The following FBXL20 variants were observed in gnomAD, a reference collection of about 807,000 sequenced individuals.
The protein encoded by FBXL20 is F-box and leucine rich repeat protein 20.
FBXL20 carries 11 observed loss-of-function variants against 64.0 expected under a neutral mutation model. The ratio of observed to expected loss-of-function variants is 0.17; its 90% CI spans 0.11 to 0.28. FBXL20 has a LOEUF of 0.28. FBXL20 is among the 10% of genes least tolerant of loss of function. The probability of loss-of-function intolerance (pLI) is 1.00; values close to 1 mark genes in which losing one functional copy is unlikely to be tolerated. For synonymous variants in FBXL20, 184 were observed against 189.0 expected (o/e 0.97, Z 0.22); for missense variants, 303 against 526.2 (o/e 0.58, Z 4.15).
chr17:39,295,680 T>C (rs1420818374), intron 6 of FBXL20, among the ~76,000 whole-genome samples: 2 of 152,016 alleles, frequency 1.3e-5, no homozygotes, highest in African/African-American at 4.8e-5. Flanking sequence ...CTCCCTTTTA[T>C]CTCTTTCCCT....
At chr17:39,338,917 A>G (rs1466417731) in intron 2 of FBXL20, among the ~76,000 whole-genome samples, 3 of 152,108 alleles carry the variant, frequency 2.0e-5, no homozygotes, top group African/African-American at 7.2e-5. Context: ...CTGTAATTCC[A>G]GTACTTTGGG....
At chr17:39,345,322 G>C (rs1265652096) in intron 1 of FBXL20, among the ~76,000 whole-genome samples, 1 of 152,058 alleles carries the variant, frequency 6.6e-6, no homozygotes, top group Non-Finnish European at 1.5e-5. Context: ...ACAAAGAATG[G>C]CACAACTAAT....
In FBXL20 at chr17:39,261,285, T is replaced by G; in HGVS notation, c.*175A>C. On this transcript the variant is annotated 3_prime_UTR_variant, in exon 15 of 15. Coordinates refer to ENST00000264658, the MANE Select transcript of FBXL20 (RefSeq NM_032875.3). ...CCCATGGTCACAAAGCTAGAGTGGA[T>G]GGGGGTAAGGGTGTGTATGTGTATG... is the stretch of plus-strand genomic sequence containing the variant. The G allele has an allele frequency of 1.8e-5, 10 of 546,496 alleles. No individual in the cohort carries two copies. Among genetic ancestry groups the G allele is most frequent in the East Asian group, 3.3e-5 (1 of 30,594 alleles). 33.9% of individuals were successfully genotyped at this position (546,496 alleles called of 1,614,324 possible). A position where few individuals can be genotyped will look rare whatever the true frequency, so the allele number is the denominator to read the frequency against.
chr17:39,291,213 GCCTC>G (rs1225392568), intron 6 of FBXL20, among the ~76,000 whole-genome samples: 1 of 152,038 alleles, frequency 6.6e-6, no homozygotes, highest in Non-Finnish European at 1.5e-5. Flanking sequence ...ACCCGCCTCA[GCCTC>G]CCAAAGTGCT....
At chr17:39,340,715 C>T (rs1477544802) in intron 2 of FBXL20, among the ~76,000 whole-genome samples, 3 of 151,752 alleles carry the variant, frequency 2.0e-5, no homozygotes, top group Non-Finnish European at 4.4e-5. Flanking sequence ...AAAAAAGATA[C>T]ATAAAAGCCT....
chr17:39,281,484 G>GA (rs1380465583), intron 8 of FBXL20, 21 bp from the exon 9 acceptor site: 5 of 1,583,506 alleles, frequency 3.2e-6, no homozygotes, highest in East Asian at 2.2e-5. Context: ...TAAAAAGTAA[G>GA]AAAAAAATGA....
intron 13 of FBXL20, 80 bp from the exon 14 acceptor site, chr17:39,264,467 G>T: frequency 1.3e-6 from 2 of 1,498,610 alleles, no homozygotes; most frequent in Non-Finnish European, 1.8e-6. Flanking sequence ...GAATTGGAAA[G>T]GAGACATTTT....
intron 10 of FBXL20, among the ~76,000 whole-genome samples, chr17:39,273,769 G>A (rs1419820505): frequency 2.7e-5 from 4 of 149,684 alleles, no homozygotes; most frequent in Non-Finnish European, 5.9e-5. Context: ...GCAGTGAGCC[G>A]AGATCGCGCC....
At chr17:39,306,809 A>C (rs1047081204) in intron 2 of FBXL20, among the ~76,000 whole-genome samples, 1 of 152,186 alleles carries the variant, frequency 6.6e-6, no homozygotes, top group Non-Finnish European at 1.5e-5. Flanking sequence ...ATTTTTCTCC[A>C]ACTGTAGAGG....
chr17:39,312,818 C>T (rs941125396), intron 2 of FBXL20, among the ~76,000 whole-genome samples: 6 of 151,144 alleles, frequency 4.0e-5, no homozygotes, highest in Admixed American at 6.6e-5. Context: ...CCTCGTGATC[C>T]GCCTGCCTCA....
intron 1 of FBXL20, among the ~76,000 whole-genome samples, chr17:39,360,801 T>C (rs1597819293): frequency 6.6e-6 from 1 of 152,166 alleles, no homozygotes; most frequent in Admixed American, 6.6e-5. Context: ...GCTTCCCATA[T>C]ACCACCCCAG....
intron 1 of FBXL20, among the ~76,000 whole-genome samples, chr17:39,377,793 G>T (rs1214582528): frequency 6.6e-6 from 1 of 152,118 alleles, no homozygotes; most frequent in East Asian, 1.9e-4. Flanking sequence ...GTAAGCCACC[G>T]TGCCCAGCCT....
chr17:39,362,920 G>A (rs925352752), intron 1 of FBXL20, among the ~76,000 whole-genome samples: 2 of 149,598 alleles, frequency 1.3e-5, no homozygotes, highest in African/African-American at 4.9e-5. Flanking sequence ...GCCTGGCCTA[G>A]TAAACTTTTC....
At chr17:39,381,081 AC>A (rs2048018646) in intron 1 of FBXL20, among the ~76,000 whole-genome samples, 1 of 151,740 alleles carries the variant, frequency 6.6e-6, no homozygotes, top group African/African-American at 2.4e-5. Context: ...ACTCACTTGA[AC>A]CCGGGAGGCG....
chr17:39,288,013 G>C (rs1375883448), intron 6 of FBXL20, among the ~76,000 whole-genome samples: 6 of 148,702 alleles, frequency 4.0e-5, no homozygotes, highest in Non-Finnish European at 8.9e-5. Flanking sequence ...ACCCGGGCTG[G>C]AGTGCAGTGG....
At chr17:39,356,160 A>G (rs1260453421) in intron 1 of FBXL20, among the ~76,000 whole-genome samples, 1 of 145,108 alleles carries the variant, frequency 6.9e-6, no homozygotes, top group African/African-American at 2.6e-5. Context: ...GGTTGCAGTG[A>G]GCTGAGATTG....
chr17:39,365,341 A>C (rs979401175), intron 1 of FBXL20, among the ~76,000 whole-genome samples: 1 of 152,250 alleles, frequency 6.6e-6, no homozygotes, highest in Non-Finnish European at 1.5e-5. Context: ...AAGTAAGTTT[A>C]TAATTCCTCC....
At chr17:39,333,746 T>TCTGCCCCGCCGCCC (rs1481935992) in intron 2 of FBXL20, among the ~76,000 whole-genome samples, 5 of 149,924 alleles carry the variant, frequency 3.3e-5, no homozygotes, top group African/African-American at 1.2e-4. Flanking sequence ...GGGGAGCGCC[T>TCTGCCCCGCCGCCC]CTGCCCCGCC....
At chr17:39,343,047 C>G in intron 2 of FBXL20, 133 bp downstream of exon 2, 1 of 542,968 alleles carries the variant, frequency 1.8e-6, no homozygotes, top group Non-Finnish European at 3.2e-6. Flanking sequence ...TAAGATTGTT[C>G]AAAGCAATCA....
Sources: allele counts gnomAD v4.1 joint callset (sites outside exome capture counted in the v4.1 genomes callset), GRCh38; gene constraint gnomAD v4.1.1; transcripts MANE v1.5; gene names NCBI Gene and HGNC (gene_info 2026-07-23, HGNC 2026-07-21).